OSBPL1A: variants seen among roughly 807,000 people sequenced by gnomAD.
The protein encoded by OSBPL1A is oxysterol-binding protein-related protein 1.
In OSBPL1A, 80 loss-of-function variants were observed where a neutral mutation model predicts 137.1. The ratio of observed to expected loss-of-function variants is 0.58; its 90% CI spans 0.49 to 0.70. OSBPL1A has a LOEUF of 0.70. Among genes scored for constraint, OSBPL1A ranks in the 30% least tolerant of loss-of-function variants. OSBPL1A has a pLI of 0.00. For synonymous variants in OSBPL1A, 365 were observed against 389.7 expected, an observed-to-expected ratio of 0.94 and a Z score of 0.75; for missense variants, 970 against 1,129.4, an observed-to-expected ratio of 0.86 and a Z score of 2.02.
At chr18:24,312,675 A>G (rs1195479658) in intron 12 of OSBPL1A, among the ~76,000 whole-genome samples, 3 of 152,298 alleles carry the variant, frequency 2.0e-5, no homozygotes, top group African/African-American at 7.2e-5. Context: ...CACTATACTC[A>G]GGGTCAAATC....
intron 17 of OSBPL1A, among the ~76,000 whole-genome samples, chr18:24,201,279 C>T (rs556058127): frequency 2.6e-5 from 4 of 152,276 alleles, no homozygotes; most frequent in Admixed American, 6.5e-5. Flanking sequence ...GTGATGCAAA[C>T]GGCTCCGCCT....
At position 24,196,123 on chromosome 18, in the gene OSBPL1A, A is replaced by G; in HGVS notation, c.1677+2T>C. 6.2e-7 allele frequency: 1 copy of G among 1,604,110 alleles called. No individual in the cohort carries two copies. On this transcript the variant is annotated splice_donor_variant, in intron 18 of 27. Coordinates refer to ENST00000319481, the MANE Select transcript of OSBPL1A (RefSeq NM_080597.4). LOFTEE classifies it high-confidence loss of function. The stretch of plus-strand genomic sequence containing the variant: ...TATCATATGACAAAACCATTAATTT[A>G]CCATTCCAATACATTTTCTGAGGAT...
At chr18:24,295,644 C>T (rs1376305237) in intron 14 of OSBPL1A, among the ~76,000 whole-genome samples, 1 of 152,178 alleles carries the variant, frequency 6.6e-6, no homozygotes, top group African/African-American at 2.4e-5. Context: ...TATCCCAGCA[C>T]ATAGACTGGG....
chr18:24,183,426 T>C (rs1383354494), intron 18 of OSBPL1A, among the ~76,000 whole-genome samples: 1 of 151,334 alleles, frequency 6.6e-6, no homozygotes, highest in Non-Finnish European at 1.5e-5. Context: ...GATTTTTCTT[T>C]TTCTTTTTCT....
At chr18:24,304,592 A>G (rs2090465666) in intron 13 of OSBPL1A, among the ~76,000 whole-genome samples, 1 of 152,194 alleles carries the variant, frequency 6.6e-6, no homozygotes, top group Non-Finnish European at 1.5e-5. Flanking sequence ...ACATTCTTTT[A>G]GGTAGAGTAA....
Position 24,179,742 on chromosome 18 carries a change from C to G in OSBPL1A, c.1906G>C (p.Val636Leu), listed in dbSNP as rs79333038. 75 of 1,613,852 alleles carry G rather than the reference C, an allele frequency of 4.6e-5. No individual in the cohort carries two copies. The East Asian group carries it at 1.6e-3, about 35-fold the overall frequency. ...CATGCAAGTGAAAGGCCTCACCGCA[C>G]TAATTCATAAGTCTCTCCCAGCAGT... The part of the protein sequence containing the change: ...NPLLGETYEL[V>L]RDDLGFRLIS... The change falls in exon 20 of 28, where the codon GTG becomes CTG. Residue 636 changes from valine (V) to leucine (L), a missense_variant. Coordinates refer to ENST00000319481, the MANE Select transcript of OSBPL1A (RefSeq NM_080597.4).
At chr18:24,393,065 A>G (rs1294770662) in intron 1 of OSBPL1A, among the ~76,000 whole-genome samples, 1 of 152,244 alleles carries the variant, frequency 6.6e-6, no homozygotes. Context: ...TAAAGATTAA[A>G]GTAACTACAT....
chr18:24,390,369 C>T (rs1168490441), intron 1 of OSBPL1A, among the ~76,000 whole-genome samples: 2 of 152,078 alleles, frequency 1.3e-5, no homozygotes, highest in African/African-American at 2.4e-5. Context: ...AAAAACAAAA[C>T]GTGACATATA....
intron 1 of OSBPL1A, among the ~76,000 whole-genome samples, chr18:24,392,032 T>A (rs902692008): frequency 2.6e-5 from 4 of 151,986 alleles, no homozygotes; most frequent in African/African-American, 7.3e-5. Context: ...ATTTTCGTAT[T>A]TTTTGTAGAG....
chr18:24,249,364 C>T (rs560805908), intron 15 of OSBPL1A, among the ~76,000 whole-genome samples: 7 of 152,246 alleles, frequency 4.6e-5, no homozygotes, highest in East Asian at 1.9e-4. Context: ...AGCAAGATGG[C>T]GGAATAGAAG....
chr18:24,360,903 C>T (rs976510758), intron 4 of OSBPL1A, among the ~76,000 whole-genome samples: 1 of 152,210 alleles, frequency 6.6e-6, no homozygotes, highest in Non-Finnish European at 1.5e-5. Flanking sequence ...GCCACCCTCA[C>T]ACCTGAACTG....
chr18:24,314,166 T>A (rs942930675), intron 12 of OSBPL1A, 83 bp downstream of exon 12: 10 of 821,986 alleles, frequency 1.2e-5, no homozygotes, highest in Admixed American at 2.7e-5. Context: ...ATGTTGGATG[T>A]TACCACTGAA....
chr18:24,353,974 C>G (rs1432914544), intron 4 of OSBPL1A, among the ~76,000 whole-genome samples: 3 of 150,712 alleles, frequency 2.0e-5, no homozygotes, highest in East Asian at 3.9e-4. Context: ...GCTAAATGAC[C>G]AGTTAATGGG....
chr18:24,327,638 A>AC, intron 7 of OSBPL1A, among the ~76,000 whole-genome samples: 1 of 151,578 alleles, frequency 6.6e-6, no homozygotes, highest in Admixed American at 6.6e-5. Flanking sequence ...CAAACACCTG[A>AC]CCTCAAATTA....
chr18:24,310,818 A>G (rs1319695074), intron 13 of OSBPL1A, among the ~76,000 whole-genome samples: 1 of 152,186 alleles, frequency 6.6e-6, no homozygotes, highest in African/African-American at 2.4e-5. Context: ...CTTTTCAATT[A>G]GGGAATACCA....
chr18:24,230,403 G>A (rs948406896), intron 16 of OSBPL1A, among the ~76,000 whole-genome samples: 1 of 152,114 alleles, frequency 6.6e-6, no homozygotes, highest in East Asian at 1.9e-4. Flanking sequence ...GGTCACGTTG[G>A]AAAGTTTATG....
chr18:24,185,389 G>A lies in OSBPL1A; in HGVS notation c.1678-4110C>T, dbSNP rs183135806. Among the ~76,000 whole-genome samples the A allele has an allele frequency of 6.0e-3, 902 of 150,778 alleles. 17 individuals are homozygous for A. The highest frequency in any genetic ancestry group is 0.021 in the African/African-American group (850 of 41,028). The stretch of plus-strand genomic sequence containing the variant: ...GTGGCCCAGGCTGGAGTGCAATGGC[G>A]GCTCACTGCAACCTCCGCCTCCTGG... On this transcript the variant is annotated intron_variant, in intron 18 of 27. Coordinates refer to ENST00000319481, the MANE Select transcript of OSBPL1A (RefSeq NM_080597.4).
At chr18:24,331,148 T>C (rs1307654266) in intron 7 of OSBPL1A, among the ~76,000 whole-genome samples, 1 of 152,164 alleles carries the variant, frequency 6.6e-6, no homozygotes, top group Non-Finnish European at 1.5e-5. Context: ...CCTTCCCAGG[T>C]GTTATGTGCT....
chr18:24,314,855 G>T (rs973127758), intron 11 of OSBPL1A, among the ~76,000 whole-genome samples: 1 of 152,132 alleles, frequency 6.6e-6, no homozygotes, highest in African/African-American at 2.4e-5. Flanking sequence ...GCCAGAGGTT[G>T]CAAAATGTTT....
Sources: allele counts gnomAD v4.1 joint callset (sites outside exome capture counted in the v4.1 genomes callset), GRCh38; gene constraint gnomAD v4.1.1; transcripts MANE v1.5; gene names NCBI Gene and HGNC (gene_info 2026-07-23, HGNC 2026-07-21).